The following TCF24 variants were observed in gnomAD, a reference collection of about 807,000 sequenced individuals.
TCF24 encodes the protein transcription factor 24.
TCF24 carries 5 observed loss-of-function variants against 9.3 expected under a neutral mutation model. The ratio of observed to expected loss-of-function variants is 0.54; its 90% CI spans 0.28 to 1.13. The LOEUF (loss-of-function observed/expected upper bound fraction) is 1.13. TCF24 is among the 50% of genes most tolerant of loss of function. The pLI is 0.09. For synonymous variants in TCF24, 110 were observed against 115.8 expected, an observed-to-expected ratio of 0.95 and a Z score of 0.32; for missense variants, 220 against 236.1, an observed-to-expected ratio of 0.93 and a Z score of 0.45.
rs530873492 is a variant in TCF24 at position 66,961,535 on chromosome 8, C to A, written c.231G>T (p.Pro77=). 4 of 1,510,046 alleles carry A rather than the reference C, an allele frequency of 2.6e-6. No homozygotes were observed. The highest frequency in any genetic ancestry group is 1.2e-5 in the South Asian group (1 of 81,320). 93.5% of individuals were successfully genotyped at this position (1,510,046 alleles called of 1,614,324 possible). A position where few individuals can be genotyped will look rare whatever the true frequency, so the allele number is the denominator to read the frequency against. ...ACAGCTTGGTGTCGGGCGGCACGGA[C>A]GGCAGCGTGCGCTGCAGCTCCAGGA... is the stretch of plus-strand genomic sequence containing the variant. ...HAFLELQRTL[P]SVPPDTKLSK... Residue 77 remains proline (P), a synonymous_variant, in exon 3 of 4, where the codon CCG becomes CCT. Transcript: ENST00000563496.
At chr8:66,960,796 G>A (rs1302387391) in intron 3 of TCF24, among the ~76,000 whole-genome samples, 1 of 151,972 alleles carries the variant, frequency 6.6e-6, no homozygotes, top group Non-Finnish European at 1.5e-5. Context: ...TAACACTTTT[G>A]GTAGCTGTCA....
chr8:66,952,823 T>C (rs1814079854), intron 3 of TCF24, among the ~76,000 whole-genome samples: 3 of 150,628 alleles, frequency 2.0e-5, no homozygotes, highest in Non-Finnish European at 3.0e-5. Context: ...CTCTTCTTGT[T>C]GAATTGATCC....
chr8:66,961,885 C>A lies in TCF24; in HGVS notation c.-32G>T. On this transcript the variant is annotated 5_prime_UTR_variant, in exon 2 of 4. Coordinates refer to ENST00000563496, the MANE Select transcript of TCF24 (RefSeq NM_001193502.2). ...TCTCCCCGTGCGCCCACCAGCAGCC[C>A]AACGGGGCTAAGGGCGCTCTCAAGC... 1.1e-6 allele frequency: 1 copy of A among 885,670 alleles called. No homozygotes were observed. Among genetic ancestry groups the A allele is most frequent in the Non-Finnish European group, 1.4e-6 (1 of 734,096 alleles). The allele number at this position is 885,670 out of a possible 1,614,324, so 54.9% of individuals were successfully genotyped here.
rs1384117239 is a variant in TCF24 at position 66,947,975 on chromosome 8, A to G, written c.*76T>C. The G allele has an allele frequency of 9.2e-7, 1 of 1,088,410 alleles. No individual in the cohort carries two copies. The highest frequency in any genetic ancestry group is 2.7e-5 in the East Asian group (1 of 37,630). 67.4% of individuals were successfully genotyped at this position (1,088,410 alleles called of 1,614,324 possible). A position where few individuals can be genotyped will look rare whatever the true frequency, so the allele number is the denominator to read the frequency against. ...TTTCAGAAATTTTGTTATGTCTCATATAATAAATATAGAATTATGTCATAG... is the reference window on the plus strand; with the variant it reads ...TTTCAGAAATTTTGTTATGTCTCATGTAATAAATATAGAATTATGTCATAG... On this transcript the variant is annotated 3_prime_UTR_variant, in exon 4 of 4. Coordinates refer to ENST00000563496, the MANE Select transcript of TCF24 (RefSeq NM_001193502.2).
At chr8:66,956,516 C>A (rs1313220303) in intron 3 of TCF24, among the ~76,000 whole-genome samples, 2 of 152,118 alleles carry the variant, frequency 1.3e-5, no homozygotes, top group East Asian at 3.9e-4. Flanking sequence ...GCATGTGCCA[C>A]CATGCCCGGC....
intron 3 of TCF24, 139 bp downstream of exon 3, chr8:66,961,237 G>A (rs1201379476): frequency 4.2e-6 from 5 of 1,186,156 alleles, no homozygotes; most frequent in East Asian, 6.4e-5. Context: ...GTACCCTCGC[G>A]GGCCGAGGTC....
chr8:66,960,441 C>T (rs937912867), intron 3 of TCF24, among the ~76,000 whole-genome samples: 4 of 151,604 alleles, frequency 2.6e-5, no homozygotes, highest in South Asian at 2.1e-4. Flanking sequence ...TGTGTGTGCG[C>T]GCGTGTGGCC....
chr8:66,948,079 T>C lies in TCF24; in HGVS notation c.476A>G (p.Asp159Gly). The part of the protein sequence containing the change: ...HSVSGEKTNH[D>G]NTPTDSQP ...AGGCTGTGAGTCTGTTGGAGTGTTG[T>C]CATGATTTGTTTTTTCTCCAGAAAC... is the stretch of plus-strand genomic sequence containing the variant. The change falls in exon 4 of 4, where the codon GAC (aspartate) becomes GGC (glycine). Residue 159 changes from aspartate (D) to glycine (G), a missense_variant. Coordinates refer to ENST00000563496, the MANE Select transcript of TCF24 (RefSeq NM_001193502.2). 1 of 1,534,856 alleles carries C rather than the reference T, an allele frequency of 6.5e-7. No individual in the cohort carries two copies. The highest frequency in any genetic ancestry group is 8.7e-7 in the Non-Finnish European group (1 of 1,146,546).
chr8:66,948,119 A>G lies in TCF24; in HGVS notation c.436T>C (p.Phe146Leu). 2.0e-6 allele frequency: 3 copies of G among 1,535,304 alleles called. No homozygotes were observed. The highest frequency in any genetic ancestry group is 2.6e-6 in the Non-Finnish European group (3 of 1,146,678). The change falls in exon 4 of 4, where the codon TTT (phenylalanine) becomes CTT (leucine). Residue 146 changes from phenylalanine to leucine, a missense_variant. Coordinates refer to ENST00000563496, the MANE Select transcript of TCF24 (RefSeq NM_001193502.2). ...SRLYIGATGQ[F>L]LKHSVSGEKT... ...TCTCCAGAAACAGAATGCTTCAGAAACTGACCAGTAGCACCGATGTACAAT... is the reference window on the plus strand; with the variant it reads ...TCTCCAGAAACAGAATGCTTCAGAAGCTGACCAGTAGCACCGATGTACAAT...
Position 66,961,387 on chromosome 8 carries a change from G to C in TCF24, c.379C>G (p.His127Asp), listed in dbSNP as rs1814249118. 1 of 1,499,142 alleles carries C rather than the reference G, an allele frequency of 6.7e-7. No homozygotes were observed. The highest frequency in any genetic ancestry group is 8.8e-7 in the Non-Finnish European group (1 of 1,130,524). The allele number at this position is 1,499,142 out of a possible 1,614,324, so 92.9% of individuals were successfully genotyped here. ...LGALRGDGYLHPVKKWPMRSR... is the reference protein window; with the variant it reads ...LGALRGDGYLDPVKKWPMRSR... ...CCCCGCCCGCTTACCTTGACCGGGTGCAGGTAGCCATCGCCGCGCAGGGCG... is the reference window on the plus strand; with the variant it reads ...CCCCGCCCGCTTACCTTGACCGGGTCCAGGTAGCCATCGCCGCGCAGGGCG... The change falls in exon 3 of 4, where the codon CAC (histidine) becomes GAC (aspartate). Residue 127 changes from histidine to aspartate, a missense_variant. Transcript: ENST00000563496.
chr8:66,951,281 A>G (rs908643665), intron 3 of TCF24, among the ~76,000 whole-genome samples: 1 of 147,772 alleles, frequency 6.8e-6, no homozygotes, highest in Non-Finnish European at 1.5e-5. Context: ...GACCTAATTT[A>G]TTGAGAGTTT....
chr8:66,951,297 A>G (rs1231699211), intron 3 of TCF24, among the ~76,000 whole-genome samples: 2 of 147,904 alleles, frequency 1.4e-5, no homozygotes, highest in African/African-American at 5.1e-5. Flanking sequence ...AGTTTTTAGC[A>G]TGAAGGGTTG....
intron 3 of TCF24, among the ~76,000 whole-genome samples, chr8:66,958,697 T>C (rs904049601): frequency 5.3e-5 from 8 of 152,114 alleles, no homozygotes; most frequent in African/African-American, 1.7e-4. Context: ...ATTAAGTGAC[T>C]CAAAAGTAAC....
At chr8:66,961,236 C>T in intron 3 of TCF24, 140 bp downstream of exon 3, 1 of 1,186,016 alleles carries the variant, frequency 8.4e-7, no homozygotes, top group Non-Finnish European at 1.1e-6. Context: ...AGTACCCTCG[C>T]GGGCCGAGGT....
chr8:66,954,215 T>C lies in TCF24; in HGVS notation c.391-6051A>G, dbSNP rs565845014. On this transcript the variant is annotated intron_variant, in intron 3 of 3. Transcript: ENST00000563496. ...AGTATTTCTGTTCTGTTTTTCCCCA[T>C]CTTTGTGGTTTTATCTACTTTTGGT... Among the ~76,000 whole-genome samples, 550 of 151,764 alleles carry C rather than the reference T, an allele frequency of 3.6e-3. 2 individuals are homozygous for C. Among genetic ancestry groups the C allele is most frequent in the Non-Finnish European group, 4.5e-3 (306 of 68,030 alleles).
At chr8:66,957,011 T>C (rs7842839) in intron 3 of TCF24, among the ~76,000 whole-genome samples, 10,960 of 146,266 alleles carry the variant, frequency 0.075, 453 homozygotes, top group Middle Eastern at 0.15. Context: ...AAAACCATCC[T>C]GGGCAACATG....
intron 3 of TCF24, among the ~76,000 whole-genome samples, chr8:66,951,086 C>G (rs1186126844): frequency 7.8e-4 from 105 of 135,328 alleles, no homozygotes; most frequent in African/African-American, 2.8e-3. Context: ...CCTTTATTTC[C>G]TTCTCCTGCC....
In TCF24 at chr8:66,961,425, T is replaced by C; in HGVS notation, c.341A>G (p.Asp114Gly). 2 of 1,519,268 alleles carry C rather than the reference T, an allele frequency of 1.3e-6. No homozygotes were observed. The highest frequency in any genetic ancestry group is 2.6e-5 in the East Asian group (1 of 39,068). The allele number at this position is 1,519,268 out of a possible 1,614,324, so 94.1% of individuals were successfully genotyped here. The change falls in exon 3 of 4, where the codon GAC becomes GGC. Residue 114 changes from aspartate (D) to glycine (G), a missense_variant. By Grantham distance (94) the Asp-to-Gly change is moderately conservative (BLOSUM62 -1). Transcript: ENST00000563496. The stretch of plus-strand genomic sequence containing the variant: ...GCCGCGCAGGGCGCCCAACCCGGCG[T>C]CCGCCGGCGCCTCGGCGTCGTCCTG... ...SLQDDAEAPA[D>G]AGLGALRGDG...
chr8:66,952,228 A>AT (rs1281095973), intron 3 of TCF24, among the ~76,000 whole-genome samples: 1 of 140,652 alleles, frequency 7.1e-6, no homozygotes, highest in Admixed American at 7.3e-5. Context: ...TCTTGTGGGC[A>AT]TTTAGTGCTA....
Sources: allele counts gnomAD v4.1 joint callset (sites outside exome capture counted in the v4.1 genomes callset), GRCh38; gene constraint gnomAD v4.1.1; transcripts MANE v1.5; gene names NCBI Gene and HGNC (gene_info 2026-07-23, HGNC 2026-07-21).